The following FIP1L1 variants were observed in gnomAD, a reference collection of about 807,000 sequenced individuals.
FIP1L1 encodes the protein factor interacting with PAPOLA and CPSF1, also known as pre-mRNA 3'-end-processing factor FIP1.
A neutral mutation model predicts 84.6 loss-of-function variants in FIP1L1; 21 were observed. That is an observed-to-expected ratio of 0.25 (90% CI 0.18 to 0.36). The LOEUF (loss-of-function observed/expected upper bound fraction) is 0.36. FIP1L1 is among the 10% of genes least tolerant of loss of function. The probability of loss-of-function intolerance (pLI) is 1.00; values close to 1 mark genes in which losing one functional copy is unlikely to be tolerated. For missense variants in FIP1L1, 526 were observed against 751.1 expected (o/e 0.70, Z 3.50); for synonymous variants, 263 against 242.3 (o/e 1.09, Z -0.80).
At position 53,456,196 on chromosome 4, in the gene FIP1L1, A is replaced by G. The variant is rs1718812471; in HGVS notation, c.1500-2457A>G. Among the ~76,000 whole-genome samples the G allele has an allele frequency of 3.9e-5, 6 of 152,164 alleles. No homozygotes were observed. In the South Asian group the frequency reaches 1.2e-3, roughly 31 times the overall value. On this transcript the variant is annotated intron_variant, in intron 16 of 17. Transcript: ENST00000337488. ...GCAAAACTTGATAGGAAATAAGAGTAAAATAAATTGCTTTGCCAAGCAGGA... is the reference window on the plus strand; with the variant it reads ...GCAAAACTTGATAGGAAATAAGAGTGAAATAAATTGCTTTGCCAAGCAGGA...
chr4:53,413,908 A>C (rs1373916936), intron 10 of FIP1L1, among the ~76,000 whole-genome samples: 1 of 152,106 alleles, frequency 6.6e-6, no homozygotes, highest in Admixed American at 6.5e-5. Flanking sequence ...TCCTGTCAGA[A>C]CAGATTTCAT....
At chr4:53,395,859 C>T (rs1302212338) in intron 9 of FIP1L1, among the ~76,000 whole-genome samples, 1 of 151,760 alleles carries the variant, frequency 6.6e-6, no homozygotes, top group East Asian at 1.9e-4. Flanking sequence ...AATGAGCACT[C>T]ATCTTGTGGA....
chr4:53,450,889 T>C (rs1715439286), intron 15 of FIP1L1, among the ~76,000 whole-genome samples: 1 of 152,146 alleles, frequency 6.6e-6, no homozygotes, highest in African/African-American at 2.4e-5. Flanking sequence ...ACATCATCCA[T>C]CTTCATGTGA....
chr4:53,387,302 A>T (rs1253221942), intron 5 of FIP1L1, among the ~76,000 whole-genome samples: 1 of 152,230 alleles, frequency 6.6e-6, no homozygotes, highest in Non-Finnish European at 1.5e-5. Flanking sequence ...GTCTCAAAGA[A>T]TAAATAGAAA....
chr4:53,430,095 A>G (rs1765907563), intron 13 of FIP1L1, among the ~76,000 whole-genome samples: 1 of 152,160 alleles, frequency 6.6e-6, no homozygotes, highest in Non-Finnish European at 1.5e-5. Context: ...GCATGTTGTC[A>G]CAAATGACAG....
chr4:53,402,393 T>C (rs1213069111), intron 10 of FIP1L1, among the ~76,000 whole-genome samples: 1 of 152,046 alleles, frequency 6.6e-6, no homozygotes, highest in Non-Finnish European at 1.5e-5. Context: ...AAGTTTTTTT[T>C]CAAAACAAAG....
chr4:53,422,894 T>C lies in FIP1L1; in HGVS notation c.924-2978T>C, dbSNP rs2149917986. 1.3e-5 allele frequency among the ~76,000 whole-genome samples: 2 copies of C among 152,220 alleles called. 1 individual carries two copies. Among genetic ancestry groups the C allele is most frequent in the Middle Eastern group, 6.8e-3 (2 of 294 alleles). On this transcript the variant is annotated intron_variant, in intron 11 of 17. Transcript: ENST00000337488. ...TATGCCTAGCTGATATTTTAAATTA[T>C]TTGTAGACACAAAGTCTCGCCATGT...
At chr4:53,378,988 A>G in intron 1 of FIP1L1, 85 bp from the exon 2 acceptor site, 1 of 1,298,708 alleles carries the variant, frequency 7.7e-7, no homozygotes, top group South Asian at 1.3e-5. Flanking sequence ...TTATTTTTAT[A>G]GCAGTAAAGT....
chr4:53,460,393 A>ATCTT lies in FIP1L1; in HGVS notation c.*946_*949dup, dbSNP rs575016830. On this transcript the variant is annotated 3_prime_UTR_variant, in exon 18 of 18. Transcript: ENST00000337488. ...GTATTTGAAAGAATAAATTACTAGG[A>ATCTT]TCTTTTAAATAGTGATAATACAAAA... 21 of 189,188 alleles carry ATCTT rather than the reference A, an allele frequency of 1.1e-4. No homozygotes were observed. The highest frequency in any genetic ancestry group is 9.5e-4 in the East Asian group (11 of 11,608). 11.7% of individuals were successfully genotyped at this position (189,188 alleles called of 1,614,324 possible).
At chr4:53,454,258 C>T (rs1717718603) in intron 16 of FIP1L1, among the ~76,000 whole-genome samples, 1 of 152,134 alleles carries the variant, frequency 6.6e-6, no homozygotes. Flanking sequence ...GAATTCAGTG[C>T]AGTAATATGC....
chr4:53,411,989 C>T (rs1757442775), intron 10 of FIP1L1, among the ~76,000 whole-genome samples: 3 of 151,606 alleles, frequency 2.0e-5, no homozygotes, highest in African/African-American at 7.3e-5. Context: ...TTTTTATTAC[C>T]CCCAAAAGTC....
rs1301910149 is a variant in FIP1L1 at position 53,377,918 on chromosome 4, A to G, written c.80A>G (p.Tyr27Cys). ...TGGDEEEEWL[Y>C]GGPWDVHVHS... ...GGGGATGAGGAGGAAGAGTGGCTCT[A>G]TGGCGGTACGAAACTTCCTGTCTCT... Residue 27 changes from tyrosine (Y) to cysteine (C), a missense_variant, in exon 1 of 18, where the codon TAT becomes TGT. Transcript: ENST00000337488. The G allele has an allele frequency of 1.3e-6, 2 of 1,594,214 alleles. No individual in the cohort carries two copies. Among genetic ancestry groups the G allele is most frequent in the Non-Finnish European group, 8.5e-7 (1 of 1,170,092 alleles).
chr4:53,442,924 A>G (rs1022579556), intron 14 of FIP1L1, among the ~76,000 whole-genome samples: 3 of 152,270 alleles, frequency 2.0e-5, no homozygotes, highest in South Asian at 4.1e-4. Flanking sequence ...ATATTTTGAA[A>G]TAATATCTTG....
chr4:53,382,293 T>A lies in FIP1L1; in HGVS notation c.186T>A (p.Ser62=). The stretch of plus-strand genomic sequence containing the variant: ...TTGTTTGTAGTGCTAATCCTCCATC[T>A]GGAATTGAAGATGAAACTGCTGAAA... ...EEENASANPP[S]GIEDETAENG... is the part of the protein sequence containing the mutation. The change falls in exon 4 of 18, where the codon TCT becomes TCA. Residue 62 remains serine, a synonymous_variant. Transcript: ENST00000337488. The A allele has an allele frequency of 6.2e-7, 1 of 1,613,498 alleles. No homozygotes were observed. Among genetic ancestry groups the A allele is most frequent in the Non-Finnish European group, 8.5e-7 (1 of 1,179,466 alleles).
At chr4:53,410,235 T>G (rs908335570) in intron 10 of FIP1L1, among the ~76,000 whole-genome samples, 1 of 152,222 alleles carries the variant, frequency 6.6e-6, no homozygotes, top group Non-Finnish European at 1.5e-5. Context: ...TGAGGATGAT[T>G]TTTTTGATTT....
intron 10 of FIP1L1, among the ~76,000 whole-genome samples, chr4:53,409,204 C>T (rs543136483): frequency 9.9e-5 from 15 of 152,264 alleles, no homozygotes; most frequent in African/African-American, 3.6e-4. Flanking sequence ...TGTTAGTTTT[C>T]CTTCTAACAG....
intron 15 of FIP1L1, among the ~76,000 whole-genome samples, chr4:53,448,693 T>A (rs1338410397): frequency 6.6e-6 from 1 of 152,142 alleles, no homozygotes; most frequent in East Asian, 1.9e-4. Context: ...TTGCTTTTAT[T>A]TACTATACCA....
chr4:53,378,133 C>T (rs568602537), intron 1 of FIP1L1: 21 of 442,128 alleles, frequency 4.7e-5, no homozygotes, highest in Non-Finnish European at 7.9e-5. Context: ...GCGCATCCAC[C>T]CCTGTGGCGG....
intron 9 of FIP1L1, among the ~76,000 whole-genome samples, chr4:53,398,771 A>C (rs1748732514): frequency 6.6e-6 from 1 of 152,208 alleles, no homozygotes; most frequent in Non-Finnish European, 1.5e-5. Flanking sequence ...ACTGGGCTAC[A>C]ATCAAAGGAT....
Sources: gnomAD v4.1 joint callset for allele counts (sites outside exome capture counted in the v4.1 genomes callset) on GRCh38, gnomAD v4.1.1 for gene constraint, MANE v1.5 for transcripts, NCBI Gene and HGNC (gene_info 2026-07-23, HGNC 2026-07-21) for gene names.